Variants in CDH13 observed in about 807,000 individuals in gnomAD.
The protein encoded by CDH13 is cadherin-13.
Under a neutral mutation model 63.8 loss-of-function variants are expected in CDH13, and 24 were observed. The ratio of observed to expected loss-of-function variants is 0.38; its 90% confidence interval spans 0.27 to 0.53. CDH13 has a LOEUF of 0.53. Ranked by LOEUF, CDH13 falls within the 20% of genes least tolerant of loss-of-function variation. CDH13 has a pLI of 0.85. For missense variants in CDH13, 1,049 were observed against 903.1 expected (o/e 1.16, Z -2.07); for synonymous variants, 503 against 355.3 (o/e 1.42, Z -4.67).
Position 83,219,600 on chromosome 16 carries a change from GGT to G in CDH13, c.636+2105_636+2106del, listed in dbSNP as rs547349017. Among the ~76,000 whole-genome samples the G allele has an allele frequency of 1.1e-3, 170 of 152,298 alleles. 2 individuals are homozygous for G. Among genetic ancestry groups the G allele is most frequent in the African/African-American group, 3.8e-3 (158 of 41,562 alleles). On this transcript the variant is annotated intron_variant, in intron 5 of 13. Coordinates refer to ENST00000567109, the MANE Select transcript of CDH13 (RefSeq NM_001257.5). Reference sequence around the variant, plus strand: ...GGTGACAATAATCAATGATATTAAAGGTGAAGGAAGGTAAGTGAAAACCCAAA... The same window carrying G: ...GGTGACAATAATCAATGATATTAAAGGAAGGAAGGTAAGTGAAAACCCAAA...
chr16:83,155,964 G>C (rs1241811212), intron 4 of CDH13, among the ~76,000 whole-genome samples: 1 of 152,184 alleles, frequency 6.6e-6, no homozygotes, highest in Non-Finnish European at 1.5e-5. Context: ...CTGGTCATCA[G>C]CATGTCTTTG....
chr16:82,742,996 G>T (rs992165801), intron 1 of CDH13, among the ~76,000 whole-genome samples: 2 of 152,142 alleles, frequency 1.3e-5, no homozygotes, highest in African/African-American at 4.8e-5. Context: ...TTATGTAAGA[G>T]AATAACCATG....
At chr16:83,759,708 C>A (rs1255959015) in intron 11 of CDH13, among the ~76,000 whole-genome samples, 2 of 152,044 alleles carry the variant, frequency 1.3e-5, no homozygotes, top group Non-Finnish European at 2.9e-5. Flanking sequence ...GGGCAGATCA[C>A]TTGAGCCAAG....
rs1439377047 is a variant in CDH13 at position 82,733,357 on chromosome 16, T to C, written c.45+106220T>C. Among the ~76,000 whole-genome samples the C allele has an allele frequency of 8.4e-5, 12 of 142,058 alleles. No individual in the cohort carries two copies. The Admixed American group carries it at 8.9e-4, about 11-fold the overall frequency. The allele number at this position is 142,058 out of a possible 152,430, so 93.2% of individuals were successfully genotyped here. ...AATTGTTCTGTTTTTCTTATTATAA[T>C]TTATTTTTGCTATGTAAAAAAAAAT... On this transcript the variant is annotated intron_variant, in intron 1 of 13. Coordinates refer to ENST00000567109, the MANE Select transcript of CDH13 (RefSeq NM_001257.5).
chr16:83,054,295 C>T (rs1477971308), intron 3 of CDH13, among the ~76,000 whole-genome samples: 1 of 152,132 alleles, frequency 6.6e-6, no homozygotes, highest in Admixed American at 6.5e-5. Context: ...ATAAATTGGA[C>T]ACAATCAGAG....
chr16:82,686,724 G>A (rs1286308895), intron 1 of CDH13, among the ~76,000 whole-genome samples: 1 of 152,192 alleles, frequency 6.6e-6, no homozygotes, highest in Admixed American at 6.5e-5. Flanking sequence ...AACCCAGAAT[G>A]TTGCTTGATG....
At chr16:83,410,684 A>T (rs1212278670) in intron 6 of CDH13, among the ~76,000 whole-genome samples, 1 of 152,136 alleles carries the variant, frequency 6.6e-6, no homozygotes, top group East Asian at 1.9e-4. Flanking sequence ...CTACTCATAG[A>T]AATTAGTTCT....
chr16:83,462,829 A>T (rs2073214408), intron 6 of CDH13, among the ~76,000 whole-genome samples: 1 of 152,124 alleles, frequency 6.6e-6, no homozygotes, highest in South Asian at 2.1e-4. Flanking sequence ...CATCTCTAAT[A>T]CTATTTGTTC....
In CDH13 at chr16:83,498,983, T is replaced by C. The variant is rs1330966089; in HGVS notation, c.960+12328T>C. Among the ~76,000 whole-genome samples, 3 of 152,212 alleles carry C rather than the reference T, an allele frequency of 2.0e-5. No individual in the cohort carries two copies. The East Asian group carries it at 5.8e-4, about 29-fold the overall frequency. On this transcript the variant is annotated intron_variant, in intron 7 of 13. Coordinates refer to ENST00000567109, the MANE Select transcript of CDH13 (RefSeq NM_001257.5). ...AAATCAATACAGGTCATTTGTTGAG[T>C]ATTTTGTCAATAAGAATCAAATGGC...
chr16:83,086,598 C>A (rs1443488607), intron 3 of CDH13, among the ~76,000 whole-genome samples: 1 of 152,164 alleles, frequency 6.6e-6, no homozygotes, highest in East Asian at 1.9e-4. Context: ...ACTTTCAAAG[C>A]AAGATATCCT....
chr16:83,411,917 A>G (rs1276145639), intron 6 of CDH13, among the ~76,000 whole-genome samples: 1 of 152,204 alleles, frequency 6.6e-6, no homozygotes, highest in Non-Finnish European at 1.5e-5. Context: ...ACGAGCTTGT[A>G]ATTGCATGAT....
chr16:83,059,428 G>T lies in CDH13; in HGVS notation c.366+27210G>T, dbSNP rs150902454. Among the ~76,000 whole-genome samples the T allele has an allele frequency of 1.8e-3, 281 of 152,280 alleles. 3 individuals are homozygous for T. In the East Asian group the frequency reaches 0.043, roughly 23 times the overall value. ...CTTAGGTTGAACTCTGGGAGAGCCA[G>T]GTGAGTGTGTGCTCAAAAAGAACTG... On this transcript the variant is annotated intron_variant, in intron 3 of 13. Coordinates refer to ENST00000567109, the MANE Select transcript of CDH13 (RefSeq NM_001257.5).
At chr16:83,096,717 T>C (rs1024412052) in intron 3 of CDH13, among the ~76,000 whole-genome samples, 1 of 152,218 alleles carries the variant, frequency 6.6e-6, no homozygotes, top group African/African-American at 2.4e-5. Context: ...ACTAACAAGG[T>C]AGCCCATGTA....
chr16:83,591,030 C>G (rs1906694115), intron 7 of CDH13, among the ~76,000 whole-genome samples: 1 of 151,776 alleles, frequency 6.6e-6, no homozygotes, highest in African/African-American at 2.4e-5. Flanking sequence ...CCTGCCTCAG[C>G]CTCCCGAGTA....
At chr16:83,119,823 T>C (rs957478659) in intron 3 of CDH13, among the ~76,000 whole-genome samples, 7 of 152,168 alleles carry the variant, frequency 4.6e-5, no homozygotes, top group Non-Finnish European at 2.9e-5. Context: ...CACAAACTCA[T>C]TAGCACAGAC....
Position 83,083,537 on chromosome 16 carries a change from A to T in CDH13, c.367-41848A>T, listed in dbSNP as rs114720945. 4.3e-3 allele frequency among the ~76,000 whole-genome samples: 652 copies of T among 152,338 alleles called. 2 individuals are homozygous for T. The highest frequency in any genetic ancestry group is 0.015 in the African/African-American group (628 of 41,568). ...CATGCCCAGTATCACAGAGCTAGTG[A>T]GTAACAGAGCCCAAAACACATCAGC... On this transcript the variant is annotated intron_variant, in intron 3 of 13. Transcript: ENST00000567109.
intron 1 of CDH13, among the ~76,000 whole-genome samples, chr16:82,633,420 C>T (rs929123065): frequency 6.6e-6 from 1 of 152,232 alleles, no homozygotes; most frequent in African/African-American, 2.4e-5. Flanking sequence ...TGCTTTGTCA[C>T]CCAAGCCGGA....
At chr16:83,542,843 G>C (rs1284062391) in intron 7 of CDH13, among the ~76,000 whole-genome samples, 4 of 152,164 alleles carry the variant, frequency 2.6e-5, no homozygotes, top group Admixed American at 1.3e-4. Context: ...TTGGCTTAGG[G>C]CCCGTGCTCA....
At chr16:83,189,099 T>G (rs2038616452) in intron 4 of CDH13, among the ~76,000 whole-genome samples, 1 of 152,238 alleles carries the variant, frequency 6.6e-6, no homozygotes, top group Non-Finnish European at 1.5e-5. Context: ...GATGCCCTGT[T>G]TCAACAAAGT....
Sources: gnomAD v4.1 joint callset for allele counts (sites outside exome capture counted in the v4.1 genomes callset) on GRCh38, gnomAD v4.1.1 for gene constraint, MANE v1.5 for transcripts, NCBI Gene and HGNC (gene_info 2026-07-23, HGNC 2026-07-21) for gene names.